Variants in BMP15 observed in about 807,000 individuals in gnomAD.
The protein encoded by BMP15 is growth/differentiation factor 9B.
In BMP15, 5 loss-of-function variants were observed where a neutral mutation model predicts 4.4. The observed-to-expected ratio is 1.13, with a 90% CI of 0.59 to 2.38. The LOEUF (loss-of-function observed/expected upper bound fraction) is 2.38, where lower values mean the gene tolerates loss of function less well. Ranked by LOEUF, BMP15 falls within the 30% of genes most tolerant of loss-of-function variation. The probability of loss-of-function intolerance (pLI) is 0.01; values close to 1 mark genes in which losing one functional copy is unlikely to be tolerated. For synonymous variants in BMP15, 125 were observed against 114.6 expected, an observed-to-expected ratio of 1.09 and a Z score of -0.58; for missense variants, 339 against 309.8, an observed-to-expected ratio of 1.09 and a Z score of -0.71.
At chrX:50,912,731 A>G (rs1923039111) in intron 1 of BMP15, among the ~76,000 whole-genome samples, 1 of 112,037 alleles carries the variant, frequency 8.9e-6, no homozygotes, top group African/African-American at 3.3e-5. Context: ...GATGTGATCA[A>G]GATAGGTAAA....
chrX:50,914,219 G>A (rs868907798), intron 1 of BMP15, among the ~76,000 whole-genome samples: 8 of 111,892 alleles, frequency 7.1e-5, no homozygotes, highest in South Asian at 3.7e-4. Flanking sequence ...TGATCCGCCC[G>A]CCTCAGACTC....
intron 1 of BMP15, among the ~76,000 whole-genome samples, chrX:50,913,321 C>A (rs781989483): frequency 9.0e-6 from 1 of 110,923 alleles, no homozygotes; most frequent in Admixed American, 9.6e-5. Context: ...CCCAGCTACT[C>A]ACGAGGCTGA....
rs1387861526 is a variant in BMP15 at position 50,915,834 on chromosome X, G to C, written c.406G>C (p.Val136Leu). 3 of 1,211,344 alleles carry C rather than the reference G, an allele frequency of 2.5e-6. No homozygotes were observed. The highest frequency in any genetic ancestry group is 3.4e-6 in the Non-Finnish European group (3 of 895,409). The change falls in exon 2 of 2, where the codon GTT becomes CTT. Residue 136 changes from valine (V) to leucine (L), a missense_variant. By Grantham distance (32) the Val-to-Leu change is conservative (BLOSUM62 1). Coordinates refer to ENST00000252677, the MANE Select transcript of BMP15 (RefSeq NM_005448.2). The part of the protein sequence containing the change: ...GLYQLVRATV[V>L]YRHHLQLTRF... The stretch of plus-strand genomic sequence containing the variant: ...ATACCAACTAGTTAGAGCCACTGTG[G>C]TTTACCGCCATCATCTCCAACTAAC...
At chrX:50,914,210 G>C (rs1432560216) in intron 1 of BMP15, among the ~76,000 whole-genome samples, 2 of 111,432 alleles carry the variant, frequency 1.8e-5, no homozygotes, top group Non-Finnish European at 3.8e-5. Flanking sequence ...GACCTCAGGT[G>C]ATCCGCCCGC....
chrX:50,914,965 T>C (rs1195439696), intron 1 of BMP15, among the ~76,000 whole-genome samples: 1 of 111,686 alleles, frequency 9.0e-6, no homozygotes, highest in East Asian at 2.8e-4. Context: ...CAAGACTGTG[T>C]TGAAAATAGT....
In BMP15 at chrX:50,916,405, G is replaced by A. The variant is rs1464851775; in HGVS notation, c.977G>A (p.Arg326Gln). 24 of 1,203,716 alleles carry A rather than the reference G, an allele frequency of 2.0e-5. No individual in the cohort carries two copies. The highest frequency in any genetic ancestry group is 2.5e-5 in the Non-Finnish European group (22 of 891,061). Reference sequence around the variant, plus strand: ...AACTACTGTAAAGGAACTTGTCTCCGAGTACTACGCGATGGTCTCAATTCC... The same window carrying A: ...AACTACTGTAAAGGAACTTGTCTCCAAGTACTACGCGATGGTCTCAATTCC... ...TPNYCKGTCL[R>Q]VLRDGLNSPN... Residue 326 changes from arginine to glutamine, a missense_variant, in exon 2 of 2, where the codon CGA becomes CAA. Arg to Gln is a conservative substitution (Grantham distance 43). Coordinates refer to ENST00000252677, the MANE Select transcript of BMP15 (RefSeq NM_005448.2).
At chrX:50,911,846 G>A (rs1923022308) in intron 1 of BMP15, among the ~76,000 whole-genome samples, 1 of 111,485 alleles carries the variant, frequency 9.0e-6, no homozygotes, top group Admixed American at 9.6e-5. Context: ...CTGGGACTAA[G>A]TGTATTTTGG....
chrX:50,912,820 T>G (rs1210054179), intron 1 of BMP15, among the ~76,000 whole-genome samples: 1 of 111,750 alleles, frequency 8.9e-6, no homozygotes, highest in African/African-American at 3.3e-5. Context: ...TTGTGGTAAG[T>G]GCTATCAAAG....
intron 1 of BMP15, among the ~76,000 whole-genome samples, chrX:50,914,272 G>A (rs1025552632): frequency 1.8e-4 from 20 of 108,872 alleles, no homozygotes; most frequent in African/African-American, 4.0e-4. Flanking sequence ...GCGCCCAGCC[G>A]GAATTTGAAC....
intron 1 of BMP15, among the ~76,000 whole-genome samples, chrX:50,914,846 A>G (rs184009982): frequency 9.0e-6 from 1 of 111,696 alleles, no homozygotes; most frequent in East Asian, 2.8e-4. Flanking sequence ...GTAACCTTTC[A>G]ATCCTTTGGC....
chrX:50,913,093 G>C (rs1370138234), intron 1 of BMP15, among the ~76,000 whole-genome samples: 1 of 110,763 alleles, frequency 9.0e-6, no homozygotes, highest in Non-Finnish European at 1.9e-5. Flanking sequence ...GAAATGGCAG[G>C]GTATGAGGCT....
At position 50,914,181 on chromosome X, in the gene BMP15, A is replaced by C. The variant is rs1205066512; in HGVS notation, c.329-1576A>C. ...GAGGCAGGGTGTCACCATGTTGGCC[A>C]GGCTGGTCTCAAACTCCTGACCTCA... On this transcript the variant is annotated intron_variant, in intron 1 of 1. Transcript: ENST00000252677. Among the ~76,000 whole-genome samples the C allele has an allele frequency of 1.9e-4, 21 of 111,615 alleles. No individual in the cohort carries two copies. In the Admixed American group the frequency reaches 2.0e-3, roughly 11 times the overall value.
intron 1 of BMP15, among the ~76,000 whole-genome samples, chrX:50,915,213 G>A (rs1031548042): frequency 9.0e-6 from 1 of 111,399 alleles, no homozygotes; most frequent in Non-Finnish European, 1.9e-5. Flanking sequence ...ACCCAATACT[G>A]AATTGTTGTC....
Position 50,916,390 on chromosome X carries a change from A to G in BMP15, c.962A>G (p.Lys321Arg). The G allele has an allele frequency of 8.3e-7, 1 of 1,202,624 alleles. No homozygotes were observed. Among genetic ancestry groups the G allele is most frequent in the South Asian group, 1.8e-5 (1 of 55,404 alleles). ...APPFYTPNYC[K>R]GTCLRVLRDG... The stretch of plus-strand genomic sequence containing the variant: ...CCTTTCTACACCCCAAACTACTGTA[A>G]AGGAACTTGTCTCCGAGTACTACGC... Residue 321 changes from lysine to arginine, a missense_variant, in exon 2 of 2, where the codon AAA becomes AGA. Transcript: ENST00000252677.
chrX:50,914,214 C>T (rs1173358832), intron 1 of BMP15, among the ~76,000 whole-genome samples: 16 of 111,606 alleles, frequency 1.4e-4, no homozygotes, highest in Middle Eastern at 4.7e-3. Context: ...TCAGGTGATC[C>T]GCCCGCCTCA....
chrX:50,915,630 T>C (rs1923108455), intron 1 of BMP15, 127 bp from the exon 2 acceptor site: 5 of 853,409 alleles, frequency 5.9e-6, no homozygotes, highest in Non-Finnish European at 8.6e-6. Flanking sequence ...AATGATAGTA[T>C]CATTATCTTG....
At position 50,910,926 on chromosome X, in the gene BMP15, T is replaced by C; in HGVS notation, c.143T>C (p.Leu48Pro). 8.3e-7 allele frequency: 1 copy of C among 1,197,624 alleles called. No homozygotes were observed. Among genetic ancestry groups the C allele is most frequent in the Non-Finnish European group, 1.1e-6 (1 of 887,923 alleles). The change falls in exon 1 of 2, where the codon CTG becomes CCG. Residue 48 changes from leucine (L) to proline (P), a missense_variant. By Grantham distance (98) the Leu-to-Pro change is moderately conservative. Coordinates refer to ENST00000252677, the MANE Select transcript of BMP15 (RefSeq NM_005448.2). ...EAPTLPLIEE[L>P]LEESPGEQPR... ...CCTACTTTGCCCCTGATTGAGGAGC[T>C]GCTAGAAGAATCCCCTGGCGAACAG...
intron 1 of BMP15, among the ~76,000 whole-genome samples, chrX:50,913,004 C>T (rs1923045210): frequency 9.0e-6 from 1 of 111,070 alleles, no homozygotes; most frequent in Non-Finnish European, 1.9e-5. Context: ...GGTGCAAATG[C>T]CTAGAGGGTG....
chrX:50,914,426 A>T (rs1229384070), intron 1 of BMP15, among the ~76,000 whole-genome samples: 1 of 112,196 alleles, frequency 8.9e-6, no homozygotes, highest in Non-Finnish European at 1.9e-5. Flanking sequence ...TCTACAAAAA[A>T]CAAAACAGAA....
Sources: allele counts gnomAD v4.1 joint callset (sites outside exome capture counted in the v4.1 genomes callset), GRCh38; gene constraint gnomAD v4.1.1; transcripts MANE v1.5; gene names NCBI Gene and HGNC (gene_info 2026-07-23, HGNC 2026-07-21).